DPP6: variants seen among roughly 807,000 people sequenced by gnomAD.
DPP6 encodes dipeptidyl peptidase like 6.
DPP6 carries 69 observed loss-of-function variants against 122.6 expected under a neutral mutation model. That is an observed-to-expected ratio of 0.56 (90% confidence interval 0.46 to 0.69). The LOEUF is 0.69. Ranked by LOEUF, DPP6 falls within the 30% of genes least tolerant of loss-of-function variation. DPP6 has a pLI of 0.00. For missense variants in DPP6, 928 were observed against 1,116.9 expected (o/e 0.83, Z 2.41); for synonymous variants, 418 against 433.1 (o/e 0.97, Z 0.43).
intron 1 of DPP6, chr7:154,094,059 A>T (rs996270569): frequency 3.3e-5 from 5 of 152,222 alleles, no homozygotes; most frequent in African/African-American, 1.2e-4. Context: ...AATTAAAATG[A>T]TTAGAAATTA....
intron 18 of DPP6, among the ~76,000 whole-genome samples, chr7:154,868,311 C>CA (rs1804071724): frequency 6.6e-6 from 1 of 152,322 alleles, no homozygotes; most frequent in African/African-American, 2.4e-5. Flanking sequence ...CAGGATCTCT[C>CA]TCCCTGAGAG....
intron 1 of DPP6, among the ~76,000 whole-genome samples, chr7:154,200,046 A>C (rs1038240703): frequency 1.3e-5 from 2 of 152,194 alleles, no homozygotes; most frequent in Non-Finnish European, 2.9e-5. Context: ...AATTACTCGG[A>C]GCTTTTAAGA....
At chr7:154,368,504 C>T (rs549245736) in intron 1 of DPP6, among the ~76,000 whole-genome samples, 68 of 152,286 alleles carry the variant, frequency 4.5e-4, no homozygotes, top group Middle Eastern at 3.4e-3. Context: ...GTGTTTACTC[C>T]GGATAATTTT....
Position 154,388,806 on chromosome 7 carries a change from G to C in DPP6, c.244-57408G>C, listed in dbSNP as rs556528203. Among the ~76,000 whole-genome samples, 9 of 152,256 alleles carry C rather than the reference G, an allele frequency of 5.9e-5. No homozygotes were observed. The East Asian group carries it at 1.7e-3, about 29-fold the overall frequency. ...TGCCTGGTAATGATAAAGGAAAGTA[G>C]ATTTCAGGTGCAGAAAACATATCCG... On this transcript the variant is annotated intron_variant, in intron 1 of 25. Coordinates refer to ENST00000377770, the MANE Select transcript of DPP6 (RefSeq NM_130797.4).
chr7:154,750,880 G>A lies in DPP6; in HGVS notation c.884-18537G>A, dbSNP rs140728317. ...TGGGAGGCTGCAGGTGTAAGGAGAA[G>A]GACGGCTCAGGTGAGGGCTGCACAG... On this transcript the variant is annotated intron_variant, in intron 8 of 25. Transcript: ENST00000377770. Among the ~76,000 whole-genome samples the A allele has an allele frequency of 3.5e-4, 53 of 152,262 alleles. No homozygotes were observed. In the East Asian group the frequency reaches 9.5e-3, roughly 27 times the overall value.
Position 154,301,234 on chromosome 7 carries a change from G to A in DPP6, c.244-144980G>A, listed in dbSNP as rs182978698. The stretch of plus-strand genomic sequence containing the variant: ...GTAGCTTGGCCATTGTTATTGTTAT[G>A]ATTAAGGGCAGGTGAGCATGTAGTG... On this transcript the variant is annotated intron_variant, in intron 1 of 25. Transcript: ENST00000377770. Among the ~76,000 whole-genome samples, 34 of 152,336 alleles carry A rather than the reference G, an allele frequency of 2.2e-4. No homozygotes were observed. In the East Asian group the frequency reaches 6.4e-3, roughly 29 times the overall value.
chr7:153,825,685 G>A, the DPP6 span, among the ~76,000 whole-genome samples: 3 of 152,144 alleles, frequency 2.0e-5, no homozygotes, highest in African/African-American at 7.2e-5. Context: ...TCAGCCTCCT[G>A]AGTAGCAGGG....
intron 1 of DPP6, among the ~76,000 whole-genome samples, chr7:154,236,964 C>T (rs1801256369): frequency 6.6e-6 from 1 of 152,196 alleles, no homozygotes; most frequent in South Asian, 2.1e-4. Context: ...CAATTTCCAA[C>T]CCCTTTACTC....
chr7:153,849,680 C>T, the DPP6 span, among the ~76,000 whole-genome samples: 1 of 152,092 alleles, frequency 6.6e-6, no homozygotes, highest in African/African-American at 2.4e-5. Context: ...TAAGTACATA[C>T]AAATTTTGAC....
chr7:154,838,073 T>A (rs1217389748), intron 16 of DPP6, among the ~76,000 whole-genome samples: 1 of 152,206 alleles, frequency 6.6e-6, no homozygotes, highest in African/African-American at 2.4e-5. Flanking sequence ...CACGTTAGGA[T>A]GCTTCTCGGG....
intron 5 of DPP6, among the ~76,000 whole-genome samples, chr7:154,619,628 T>G (rs1224338709): frequency 6.6e-6 from 1 of 152,184 alleles, no homozygotes; most frequent in Non-Finnish European, 1.5e-5. Context: ...CTGGTCACCT[T>G]CAGGGATGGA....
intron 1 of DPP6, among the ~76,000 whole-genome samples, chr7:154,297,861 C>T (rs1251241258): frequency 4.6e-5 from 7 of 152,246 alleles, no homozygotes; most frequent in East Asian, 1.9e-4. Flanking sequence ...AAATGAAGAG[C>T]GTGCACGCTG....
At chr7:153,748,191 C>T in the DPP6 span, among the ~76,000 whole-genome samples, 1 of 152,136 alleles carries the variant, frequency 6.6e-6, no homozygotes, top group Non-Finnish European at 1.5e-5. Context: ...GCCCGGGTGC[C>T]GTCCCAGCTC....
intron 21 of DPP6, chr7:154,884,250 TTACA>T (rs1442673811): frequency 2.2e-5 from 3 of 135,294 alleles, no homozygotes; most frequent in African/African-American, 9.1e-5. Context: ...TGCTCACAAA[TTACA>T]TACACATGCT....
chr7:154,172,691 C>T (rs1797598866), intron 1 of DPP6, among the ~76,000 whole-genome samples: 1 of 151,650 alleles, frequency 6.6e-6, no homozygotes. Flanking sequence ...ACCTCCGCCT[C>T]CTGGGGGCAA....
intron 1 of DPP6, among the ~76,000 whole-genome samples, chr7:154,016,398 TA>T (rs1404407942): frequency 5.1e-5 from 7 of 136,244 alleles, no homozygotes; most frequent in Non-Finnish European, 1.1e-4. Flanking sequence ...AAAGTAGGTT[TA>T]TTTTTTTTTT....
intron 4 of DPP6, among the ~76,000 whole-genome samples, chr7:154,565,396 G>GTGAGTAAATA (rs1830678859): frequency 6.6e-6 from 1 of 152,196 alleles, no homozygotes; most frequent in Non-Finnish European, 1.5e-5. Flanking sequence ...ATCCCAAGGT[G>GTGAGTAAATA]TGCACCATGT....
At chr7:153,866,997 C>A in the DPP6 span, among the ~76,000 whole-genome samples, 1 of 152,100 alleles carries the variant, frequency 6.6e-6, no homozygotes, top group African/African-American at 2.4e-5. Context: ...CTGTTCTGTT[C>A]CATTGGTCGA....
rs539202822 is a variant in DPP6 at position 154,062,163 on chromosome 7, A to G, written c.243+9100A>G. 4.8e-3 allele frequency among the ~76,000 whole-genome samples: 476 copies of G among 98,590 alleles called. 131 individuals are homozygous for G. Among genetic ancestry groups the G allele is most frequent in the Non-Finnish European group, 6.1e-3 (276 of 45,284 alleles). The allele number at this position is 98,590 out of a possible 152,430, so 64.7% of individuals were successfully genotyped here. On this transcript the variant is annotated intron_variant, in intron 1 of 25. Transcript: ENST00000377770. ...GACCCTCATCCCCCACCGGCTTAGG[A>G]CCCACATCGTTGATCCTAAGATCCT...
Sources: allele counts gnomAD v4.1 joint callset (sites outside exome capture counted in the v4.1 genomes callset), GRCh38; gene constraint gnomAD v4.1.1; transcripts MANE v1.5; gene names NCBI Gene and HGNC (gene_info 2026-07-23, HGNC 2026-07-21).